The following RNPS1 variants were observed in gnomAD, a reference collection of about 807,000 sequenced individuals.
RNPS1 encodes the protein RNA-binding protein with serine-rich domain 1.
For synonymous variants in RNPS1, 147 were observed against 150.0 expected (o/e 0.98, Z 0.15); for missense variants, 300 against 427.6 (o/e 0.70, Z 2.63).
At position 2,264,310 on chromosome 16, in the gene RNPS1, G is replaced by A; in HGVS notation, c.93C>T (p.Arg31=). 6.2e-7 allele frequency: 1 copy of A among 1,614,144 alleles called. No individual in the cohort carries two copies. Among genetic ancestry groups the A allele is most frequent in the Non-Finnish European group, 8.5e-7 (1 of 1,180,034 alleles). The part of the protein sequence containing the change: ...SSTRAPSPTK[R]KDRSDEKSKD... Reference sequence around the variant, plus strand: ...TGGACTTCTCATCTGAGCGGTCTTTGCGTTTGGTAGGTGAAGGAGCCCTGG... The same window carrying A: ...TGGACTTCTCATCTGAGCGGTCTTTACGTTTGGTAGGTGAAGGAGCCCTGG... Residue 31 remains arginine (R), a synonymous_variant, in exon 3 of 8, where the codon CGC becomes CGT. Coordinates refer to ENST00000320225, the MANE Select transcript of RNPS1 (RefSeq NM_080594.4).
At chr16:2,266,447 T>A (rs181214908) in intron 1 of RNPS1, 7 of 971,322 alleles carry the variant, frequency 7.2e-6, no homozygotes, top group African/African-American at 7.0e-5. Context: ...TGGGTTTGAT[T>A]TGAGGTTTTA....
Position 2,262,437 on chromosome 16 carries a change from G to C in RNPS1, c.523-6C>G. On this transcript the variant is annotated splice_polypyrimidine_tract_variant and splice_region_variant and intron_variant, in intron 5 of 7. Transcript: ENST00000320225. ...AATATCTCCATGATGTGATCCTAGA[G>C]GGAAAGAAGGGTCACGCCAACGCCC... 4 of 1,613,956 alleles carry C rather than the reference G, an allele frequency of 2.5e-6. No homozygotes were observed. The highest frequency in any genetic ancestry group is 3.4e-6 in the Non-Finnish European group (4 of 1,179,968).
chr16:2,257,149 G>A (rs1237325288), intron 6 of RNPS1: 3 of 152,230 alleles, frequency 2.0e-5, no homozygotes, highest in Admixed American at 2.0e-4. Flanking sequence ...AGGGAGAGAG[G>A]AAAGGAAATA....
chr16:2,260,937 T>C (rs1214329371), intron 6 of RNPS1, among the ~76,000 whole-genome samples: 5 of 152,168 alleles, frequency 3.3e-5, no homozygotes, highest in African/African-American at 7.2e-5. Flanking sequence ...CAGACCATCC[T>C]GGCTAACACG....
In RNPS1 at chr16:2,263,136, A is replaced by G; in HGVS notation, c.379T>C (p.Ser127Pro). The G allele has an allele frequency of 6.3e-7, 1 of 1,595,050 alleles. No homozygotes were observed. The highest frequency in any genetic ancestry group is 8.6e-7 in the Non-Finnish European group (1 of 1,163,688). Residue 127 changes from serine to proline, a missense_variant, in exon 4 of 8, where the codon TCT becomes CCT. By Grantham distance (74) the Ser-to-Pro change is moderately conservative (BLOSUM62 -1). Coordinates refer to ENST00000320225, the MANE Select transcript of RNPS1 (RefSeq NM_080594.4). ...SSSSSGSPSP[S>P]RRRHDNRRRS... ...CTCCTGTTGTCGTGTCTGCGCCGAG[A>G]AGGACTTGGAGAGCCAGAAGAGCTG...
At chr16:2,263,991 A>G in intron 3 of RNPS1, 185 bp downstream of exon 3, 1 of 662,162 alleles carries the variant, frequency 1.5e-6, no homozygotes, top group Middle Eastern at 4.3e-4. Flanking sequence ...CGGCCTCCCA[A>G]AGTGCTGGGA....
At chr16:2,263,979 C>G (rs939314632) in intron 3 of RNPS1, 197 bp downstream of exon 3, 1 of 600,606 alleles carries the variant, frequency 1.7e-6, no homozygotes, top group African/African-American at 1.9e-5. Context: ...ATCCTCCTGC[C>G]TCGGCCTCCC....
chr16:2,266,045 G>A, intron 1 of RNPS1: 3 of 899,516 alleles, frequency 3.3e-6, no homozygotes, highest in Non-Finnish European at 4.0e-6. Context: ...GTAAGGCTCT[G>A]CACAAGCTGC....
rs751094791 is a variant in RNPS1 at position 2,255,740 on chromosome 16, C to T, written c.677-14G>A. The T allele has an allele frequency of 3.7e-6, 6 of 1,613,158 alleles. No individual in the cohort carries two copies. The highest frequency in any genetic ancestry group is 5.1e-6 in the Non-Finnish European group (6 of 1,179,682). On this transcript the variant is annotated splice_polypyrimidine_tract_variant and intron_variant, in intron 6 of 7. Coordinates refer to ENST00000320225, the MANE Select transcript of RNPS1 (RefSeq NM_080594.4). ...CATCAATTTGTCCTGTTGAAAAAGA[C>T]AGCAAGTCATAAAATATCTAACAAG...
intron 6 of RNPS1, chr16:2,257,178 C>A (rs971634370): frequency 6.6e-6 from 1 of 152,168 alleles, no homozygotes; most frequent in South Asian, 2.1e-4. Flanking sequence ...AACCCAGGAA[C>A]CCCAGGGGAG....
chr16:2,267,837 T>G (rs1477438478), intron 1 of RNPS1: 68 of 1,505,556 alleles, frequency 4.5e-5, no homozygotes, highest in Admixed American at 4.0e-4. Context: ...CAGGCGCCCT[T>G]CCGTCCGCAG....
chr16:2,267,110 G>C (rs1220265082), intron 1 of RNPS1: 2 of 857,614 alleles, frequency 2.3e-6, no homozygotes, highest in African/African-American at 3.7e-5. Context: ...GAACCACTGA[G>C]TAAGCGGACG....
Position 2,264,196 on chromosome 16 carries a change from G to T in RNPS1, c.207C>A (p.Ser69=). ...CCCACCTGGTACTGCTGCTACCACT[G>T]GAAGCGCTGCGCCTCTTTCGGGTTT... ...RDKTRKRRSA[S]SGSSSTRSRS... The change falls in exon 3 of 8, where the codon TCC becomes TCA. Residue 69 remains serine, a synonymous_variant. Transcript: ENST00000320225. The T allele has an allele frequency of 3.1e-6, 5 of 1,613,370 alleles. No individual in the cohort carries two copies. The highest frequency in any genetic ancestry group is 4.2e-6 in the Non-Finnish European group (5 of 1,180,036).
At chr16:2,262,130 C>T in intron 6 of RNPS1, 148 bp downstream of exon 6, 1 of 727,464 alleles carries the variant, frequency 1.4e-6, no homozygotes. Flanking sequence ...TCAGTTTGGT[C>T]CAGGAACTGC....
At chr16:2,264,878 G>C (rs956602997) in intron 1 of RNPS1, 118 bp from the exon 2 acceptor site, 1 of 770,056 alleles carries the variant, frequency 1.3e-6, no homozygotes, top group Non-Finnish European at 1.9e-6. Context: ...AGCAATAAGT[G>C]TCCACACAGT....
intron 7 of RNPS1, among the ~76,000 whole-genome samples, chr16:2,254,640 C>A (rs1000153802): frequency 1.3e-5 from 2 of 151,806 alleles, no homozygotes; most frequent in African/African-American, 4.8e-5. Flanking sequence ...ACCATGTTGG[C>A]CAGGATGGTC....
chr16:2,258,982 A>G (rs2093590558), intron 6 of RNPS1, among the ~76,000 whole-genome samples: 1 of 151,200 alleles, frequency 6.6e-6, no homozygotes, highest in Non-Finnish European at 1.5e-5. Flanking sequence ...AATTAGCTGG[A>G]TATAGTGGAG....
At chr16:2,264,833 C>G (rs968011806) in intron 1 of RNPS1, 73 bp from the exon 2 acceptor site, 7 of 1,309,188 alleles carry the variant, frequency 5.3e-6, no homozygotes, top group African/African-American at 3.0e-5. Context: ...CAGTCAAAAG[C>G]TGAGCACACA....
intron 6 of RNPS1, 28 bp from the exon 7 acceptor site, chr16:2,255,754 A>T: frequency 6.2e-7 from 1 of 1,610,144 alleles, no homozygotes; most frequent in African/African-American, 1.3e-5. Context: ...AAGTCATAAA[A>T]TATCTAACAA....
Sources: gnomAD v4.1 joint callset for allele counts (sites outside exome capture counted in the v4.1 genomes callset) on GRCh38, gnomAD v4.1.1 for gene constraint, MANE v1.5 for transcripts, NCBI Gene and HGNC (gene_info 2026-07-23, HGNC 2026-07-21) for gene names.